The following PDZRN3 variants were observed in gnomAD, a reference collection of about 807,000 sequenced individuals.
PDZRN3 encodes the protein E3 ubiquitin-protein ligase PDZRN3.
In PDZRN3, 38 loss-of-function variants were observed where a neutral mutation model predicts 85.7. The ratio of observed to expected loss-of-function variants is 0.44; its 90% confidence interval spans 0.34 to 0.58. The LOEUF is 0.58. Ranked by LOEUF, PDZRN3 falls within the 20% of genes least tolerant of loss-of-function variation. PDZRN3 has a pLI of 0.01. For missense variants in PDZRN3, 1,629 were observed against 1,506.4 expected, an observed-to-expected ratio of 1.08 and a Z score of -1.35; for synonymous variants, 759 against 638.0, an observed-to-expected ratio of 1.19 and a Z score of -2.86.
chr3:73,577,576 C>T (rs1702142805), intron 3 of PDZRN3, among the ~76,000 whole-genome samples: 2 of 152,104 alleles, frequency 1.3e-5, no homozygotes, highest in Admixed American at 1.3e-4. Flanking sequence ...CAATGGGGCA[C>T]AGCAGAGGAA....
chr3:73,405,846 T>C (rs1485324199), intron 3 of PDZRN3, among the ~76,000 whole-genome samples: 1 of 152,248 alleles, frequency 6.6e-6, no homozygotes, highest in East Asian at 1.9e-4. Flanking sequence ...AGTTTCCCTA[T>C]GTCCAGGCAG....
intron 1 of PDZRN3, among the ~76,000 whole-genome samples, chr3:73,610,039 A>G (rs1404364746): frequency 6.6e-6 from 1 of 152,220 alleles, no homozygotes; most frequent in African/African-American, 2.4e-5. Context: ...CTTAATAACC[A>G]CAACCCCTTT....
At chr3:73,513,324 C>T (rs1044651641) in intron 3 of PDZRN3, among the ~76,000 whole-genome samples, 5 of 152,176 alleles carry the variant, frequency 3.3e-5, no homozygotes, top group South Asian at 2.1e-4. Flanking sequence ...AACTAAGAAA[C>T]ATCAGCACAC....
intron 3 of PDZRN3, among the ~76,000 whole-genome samples, chr3:73,443,246 T>A (rs11919111): frequency 0.042 from 6,340 of 152,212 alleles, 431 homozygotes; most frequent in African/African-American, 0.14. Context: ...AGCTGCTGTG[T>A]GCATCTGACT....
At chr3:73,522,862 A>G (rs193227595) in intron 3 of PDZRN3, among the ~76,000 whole-genome samples, 20 of 152,328 alleles carry the variant, frequency 1.3e-4, no homozygotes, top group African/African-American at 4.8e-4. Flanking sequence ...TTTTATGACA[A>G]AATTGGAATT....
chr3:73,568,650 T>C (rs935677799), intron 3 of PDZRN3, among the ~76,000 whole-genome samples: 6 of 152,204 alleles, frequency 3.9e-5, no homozygotes, highest in Non-Finnish European at 7.3e-5. Flanking sequence ...TCGCTTGATA[T>C]GGTAGCACAT....
intron 3 of PDZRN3, among the ~76,000 whole-genome samples, chr3:73,424,367 CAAAAAAAA>C (rs66466551): frequency 9.1e-5 from 5 of 54,854 alleles, no homozygotes; most frequent in African/African-American, 3.7e-4. Context: ...CCGTCTCTAC[CAAAAAAAA>C]AAAAAAAAAA....
intron 3 of PDZRN3, among the ~76,000 whole-genome samples, chr3:73,490,030 G>C (rs1290559625): frequency 6.6e-6 from 1 of 152,188 alleles, no homozygotes; most frequent in African/African-American, 2.4e-5. Context: ...CTTTATGTGT[G>C]AATGTATGGA....
chr3:73,383,331 G>C lies in PDZRN3; in HGVS notation c.*34C>G. 6.5e-7 allele frequency: 1 copy of C among 1,540,890 alleles called. No individual in the cohort carries two copies. Among genetic ancestry groups the C allele is most frequent in the East Asian group, 2.3e-5 (1 of 44,328 alleles). ...CAGGAATTTCTACCCCAGTGGTAGTGGTCTCCTTTATGTACATAATGCAGA... is the reference window on the plus strand; with the variant it reads ...CAGGAATTTCTACCCCAGTGGTAGTCGTCTCCTTTATGTACATAATGCAGA... On this transcript the variant is annotated 3_prime_UTR_variant, in exon 10 of 10. Transcript: ENST00000263666.
chr3:73,618,645 A>C (rs2106917325), intron 1 of PDZRN3, among the ~76,000 whole-genome samples: 1 of 152,364 alleles, frequency 6.6e-6, no homozygotes, highest in East Asian at 1.9e-4. Context: ...TTGCCTTATA[A>C]ATAGATTCTT....
intron 3 of PDZRN3, among the ~76,000 whole-genome samples, chr3:73,445,575 A>G (rs1702730377): frequency 6.6e-6 from 1 of 152,252 alleles, no homozygotes; most frequent in Non-Finnish European, 1.5e-5. Flanking sequence ...CTTTCTCTAT[A>G]AAACAGTACT....
chr3:73,467,897 G>A (rs1405208032), intron 3 of PDZRN3, among the ~76,000 whole-genome samples: 1 of 152,198 alleles, frequency 6.6e-6, no homozygotes, highest in Non-Finnish European at 1.5e-5. Context: ...GCCTGGGGTA[G>A]TCAAATTCAT....
At chr3:73,390,654 T>TGTGTGTGTGTGTGA (rs36036904) in intron 6 of PDZRN3, among the ~76,000 whole-genome samples, 2,331 of 139,982 alleles carry the variant, frequency 0.017, 32 homozygotes, top group Non-Finnish European at 0.024. Flanking sequence ...TGTGTGTGTG[T>TGTGTGTGTGTGTGA]GAGAGAGAGA....
intron 1 of PDZRN3, among the ~76,000 whole-genome samples, chr3:73,616,742 G>T (rs1319496423): frequency 6.6e-6 from 1 of 152,130 alleles, no homozygotes; most frequent in Non-Finnish European, 1.5e-5. Context: ...GTCAAGAAAT[G>T]CTTGATAAGA....
intron 3 of PDZRN3, among the ~76,000 whole-genome samples, chr3:73,550,510 C>CCTTG (rs953604364): frequency 6.6e-6 from 1 of 152,218 alleles, no homozygotes; most frequent in African/African-American, 2.4e-5. Context: ...AAGCCCCCCA[C>CCTTG]CTGATTTGAC....
intron 3 of PDZRN3, among the ~76,000 whole-genome samples, chr3:73,484,163 CAG>C (rs1470876269): frequency 2.6e-5 from 4 of 152,018 alleles, no homozygotes; most frequent in African/African-American, 9.7e-5. Context: ...GTGTGAGAAG[CAG>C]AGTCTAAAGC....
At chr3:73,587,189 G>T (rs1490776573) in intron 3 of PDZRN3, among the ~76,000 whole-genome samples, 1 of 152,194 alleles carries the variant, frequency 6.6e-6, no homozygotes, top group East Asian at 1.9e-4. Flanking sequence ...GTAGTGAGTG[G>T]CAAATGGCAT....
chr3:73,459,726 T>C (rs945675281), intron 3 of PDZRN3, among the ~76,000 whole-genome samples: 3 of 152,250 alleles, frequency 2.0e-5, no homozygotes, highest in Non-Finnish European at 4.4e-5. Flanking sequence ...GGTGTATATG[T>C]ACCACATTTT....
intron 3 of PDZRN3, among the ~76,000 whole-genome samples, chr3:73,455,812 G>C (rs1464634058): frequency 6.6e-6 from 1 of 152,142 alleles, no homozygotes; most frequent in African/African-American, 2.4e-5. Flanking sequence ...TTCTTCGCTA[G>C]GCCAACTGTC....
Sources: allele counts gnomAD v4.1 joint callset (sites outside exome capture counted in the v4.1 genomes callset), GRCh38; gene constraint gnomAD v4.1.1; transcripts MANE v1.5; gene names NCBI Gene and HGNC (gene_info 2026-07-23, HGNC 2026-07-21).